Variants in SAMD12 observed in about 807,000 individuals in gnomAD.
SAMD12 encodes the protein sterile alpha motif domain containing 12, also known as sterile alpha motif domain-containing protein 12.
A neutral mutation model predicts 15.0 loss-of-function variants in SAMD12; 9 were observed. The ratio of observed to expected loss-of-function variants is 0.60; its 90% CI spans 0.36 to 1.05. The LOEUF is 1.05. SAMD12 is among the 50% of genes least tolerant of loss of function. The pLI is 0.01. For synonymous variants in SAMD12, 86 were observed against 90.1 expected, an observed-to-expected ratio of 0.96 and a Z score of 0.25; for missense variants, 230 against 234.2, an observed-to-expected ratio of 0.98 and a Z score of 0.12.
intron 4 of SAMD12, among the ~76,000 whole-genome samples, chr8:118,300,572 A>G (rs572153186): frequency 1.3e-5 from 2 of 152,314 alleles, no homozygotes; most frequent in South Asian, 4.1e-4. Context: ...AGTAGTTTTC[A>G]GTGTGTCGTC....
intron 2 of SAMD12, among the ~76,000 whole-genome samples, chr8:118,470,365 G>C (rs1235134742): frequency 6.6e-6 from 1 of 152,018 alleles, no homozygotes; most frequent in Non-Finnish European, 1.5e-5. Flanking sequence ...TTGTGAAGTA[G>C]AAGGTGGACT....
At chr8:118,306,760 G>A (rs1339750900) in intron 4 of SAMD12, among the ~76,000 whole-genome samples, 1 of 152,148 alleles carries the variant, frequency 6.6e-6, no homozygotes, top group East Asian at 1.9e-4. Flanking sequence ...CAAATCATGA[G>A]CTCTGTGTCT....
At chr8:118,424,579 C>G (rs934054227) in intron 3 of SAMD12, among the ~76,000 whole-genome samples, 1 of 152,168 alleles carries the variant, frequency 6.6e-6, no homozygotes, top group Non-Finnish European at 1.5e-5. Flanking sequence ...CATTACCCTA[C>G]AGTTAATATG....
intron 2 of SAMD12, among the ~76,000 whole-genome samples, chr8:118,547,569 T>C (rs1038121525): frequency 2.0e-5 from 3 of 152,128 alleles, no homozygotes; most frequent in African/African-American, 4.8e-5. Flanking sequence ...ACAATACAGG[T>C]TGGGCAAAGT....
At chr8:118,172,708 T>C in the SAMD12 span, among the ~76,000 whole-genome samples, 1 of 152,202 alleles carries the variant, frequency 6.6e-6, no homozygotes, top group African/African-American at 2.4e-5. Context: ...GTAATAAATA[T>C]ATCCATCACC....
intron 2 of SAMD12, among the ~76,000 whole-genome samples, chr8:118,550,567 CA>C (rs1227496286): frequency 6.6e-6 from 1 of 152,162 alleles, no homozygotes; most frequent in Non-Finnish European, 1.5e-5. Flanking sequence ...CCAGCCGCTG[CA>C]AAATCATGCC....
chr8:118,314,672 C>G (rs1815794733), intron 4 of SAMD12, among the ~76,000 whole-genome samples: 1 of 152,096 alleles, frequency 6.6e-6, no homozygotes, highest in African/African-American at 2.4e-5. Flanking sequence ...GGCTTTTTCT[C>G]CACTCAGCAT....
chr8:118,243,631 T>G (rs999095499), intron 4 of SAMD12, among the ~76,000 whole-genome samples: 2 of 152,172 alleles, frequency 1.3e-5, no homozygotes, highest in African/African-American at 4.8e-5. Flanking sequence ...ACAGTGGATC[T>G]GCATTCCATT....
intron 2 of SAMD12, among the ~76,000 whole-genome samples, chr8:118,525,985 T>C (rs1326997417): frequency 1.3e-5 from 2 of 152,214 alleles, no homozygotes; most frequent in Non-Finnish European, 2.9e-5. Context: ...AGAATCTAAC[T>C]GTATTTTATT....
intron 2 of SAMD12, among the ~76,000 whole-genome samples, chr8:118,505,653 C>T (rs1824901636): frequency 6.6e-6 from 1 of 151,470 alleles, no homozygotes. Context: ...AGATACTGTA[C>T]ATTTGTGAGT....
At chr8:118,340,332 T>G (rs1228678941) in intron 4 of SAMD12, among the ~76,000 whole-genome samples, 1 of 109,976 alleles carries the variant, frequency 9.1e-6, no homozygotes, top group East Asian at 3.2e-4. Context: ...ATGCTCTCTT[T>G]ACCTTGCCAA....
At chr8:118,483,773 C>G (rs1166377310) in intron 2 of SAMD12, among the ~76,000 whole-genome samples, 1 of 152,152 alleles carries the variant, frequency 6.6e-6, no homozygotes, top group Non-Finnish European at 1.5e-5. Context: ...CTTTGGCATA[C>G]TATTTGTGCT....
At chr8:118,301,243 C>T (rs73707157) in intron 4 of SAMD12, among the ~76,000 whole-genome samples, 1,958 of 152,222 alleles carry the variant, frequency 0.013, 40 homozygotes, top group African/African-American at 0.044. Context: ...AAGCTGTAGT[C>T]AACATGGGGA....
chr8:118,580,307 G>T (rs1827259728), intron 2 of SAMD12, among the ~76,000 whole-genome samples: 1 of 152,104 alleles, frequency 6.6e-6, no homozygotes, highest in Non-Finnish European at 1.5e-5. Flanking sequence ...GCTTCCACAA[G>T]CATACAATCG....
intron 2 of SAMD12, among the ~76,000 whole-genome samples, chr8:118,529,430 C>T (rs548392550): frequency 6.8e-4 from 103 of 152,224 alleles, no homozygotes; most frequent in African/African-American, 2.2e-3. Flanking sequence ...GATACAAGTG[C>T]GGTTTTGTTA....
intron 2 of SAMD12, among the ~76,000 whole-genome samples, chr8:118,468,840 G>C (rs1823673334): frequency 6.6e-6 from 1 of 152,192 alleles, no homozygotes; most frequent in Non-Finnish European, 1.5e-5. Flanking sequence ...CAATTGCCAA[G>C]CTAAGGAGAT....
intron 2 of SAMD12, among the ~76,000 whole-genome samples, chr8:118,548,380 C>CCCAT (rs1826192815): frequency 9.3e-6 from 1 of 107,554 alleles, no homozygotes; most frequent in Non-Finnish European, 1.9e-5. Flanking sequence ...ACTAAAAACA[C>CCCAT]ACATACACAC....
At position 118,555,282 on chromosome 8, in the gene SAMD12, G is replaced by A. The variant is rs143067708; in HGVS notation, c.192+25433C>T. On this transcript the variant is annotated intron_variant, in intron 2 of 3. Coordinates refer to ENST00000314727, the MANE Select transcript of SAMD12 (RefSeq NM_207506.3). ...TTGTTTATGTTTACACTTGATTCCCGTTCTTTGTTTTCTTTAAATCGCTAA... is the reference window on the plus strand; with the variant it reads ...TTGTTTATGTTTACACTTGATTCCCATTCTTTGTTTTCTTTAAATCGCTAA... Among the ~76,000 whole-genome samples, 1,180 of 152,188 alleles carry A rather than the reference G, an allele frequency of 7.8e-3. 54 individuals carry two copies. Among genetic ancestry groups the A allele is most frequent in the Admixed American group, 0.073 (1,115 of 15,288 alleles).
chr8:118,572,009 T>G (rs781493512), intron 2 of SAMD12, among the ~76,000 whole-genome samples: 1 of 152,136 alleles, frequency 6.6e-6, no homozygotes, highest in Non-Finnish European at 1.5e-5. Context: ...TGCCAGTCCA[T>G]GAAAGCAGCC....
Sources: allele counts gnomAD v4.1 joint callset (sites outside exome capture counted in the v4.1 genomes callset), GRCh38; gene constraint gnomAD v4.1.1; transcripts MANE v1.5; gene names NCBI Gene and HGNC (gene_info 2026-07-23, HGNC 2026-07-21).